The following CDK13 variants were observed in gnomAD, a reference collection of about 807,000 sequenced individuals.
CDK13 encodes cyclin dependent kinase 13.
A neutral mutation model predicts 137.6 loss-of-function variants in CDK13; 40 were observed. That is an observed-to-expected ratio of 0.29 (90% CI 0.23 to 0.38). The LOEUF (loss-of-function observed/expected upper bound fraction) is 0.38. CDK13 is among the 10% of genes least tolerant of loss of function. CDK13 has a pLI of 1.00. For missense variants in CDK13, 1,704 were observed against 1,951.8 expected, an observed-to-expected ratio of 0.87 and a Z score of 2.39; for synonymous variants, 869 against 760.1, an observed-to-expected ratio of 1.14 and a Z score of -2.36.
At chr7:39,952,015 GAC>G (rs1462715537) in intron 1 of CDK13, 163 bp downstream of exon 1, 2 of 676,870 alleles carry the variant, frequency 3.0e-6, no homozygotes, top group African/African-American at 3.7e-5. Flanking sequence ...TCGCGCGCGT[GAC>G]ACTTTTTTAG....
intron 2 of CDK13, 61 bp from the exon 3 acceptor site, chr7:39,997,433 A>C (rs975100679): frequency 1.6e-6 from 2 of 1,220,036 alleles, no homozygotes; most frequent in African/African-American, 1.5e-5. Flanking sequence ...GTAAGTCATA[A>C]GCATATTTTT....
At chr7:40,051,770 A>G (rs1785894374) in intron 7 of CDK13, among the ~76,000 whole-genome samples, 2 of 152,188 alleles carry the variant, frequency 1.3e-5, no homozygotes, top group African/African-American at 4.8e-5. Context: ...ACCAATGTGG[A>G]TCTGCTCTTC....
intron 1 of CDK13, among the ~76,000 whole-genome samples, chr7:39,954,879 C>G (rs898864361): frequency 6.6e-6 from 1 of 152,184 alleles, no homozygotes; most frequent in African/African-American, 2.4e-5. Context: ...GCATCAGCCT[C>G]CCAAAGTCCA....
At chr7:40,006,122 T>C (rs1340728762) in intron 5 of CDK13, among the ~76,000 whole-genome samples, 7 of 152,362 alleles carry the variant, frequency 4.6e-5, no homozygotes, top group Non-Finnish European at 5.9e-5. Context: ...TTCATCTCTT[T>C]TAATCACTTT....
At chr7:40,048,360 T>A (rs1167619932) in intron 7 of CDK13, 1 of 152,200 alleles carries the variant, frequency 6.6e-6, no homozygotes, top group African/African-American at 2.4e-5. Context: ...CTTTTCTGGC[T>A]AAAGTTGGAT....
Position 40,062,831 on chromosome 7 carries a change from C to T in CDK13, c.2606C>T (p.Pro869Leu). Residue 869 changes from proline (P) to leucine (L), a missense_variant, in exon 8 of 14, where the codon CCG becomes CTG. By Grantham distance (98) the Pro-to-Leu change is moderately conservative (BLOSUM62 -3). Around this residue, in one of 5 missense-constraint regions of CDK13, gnomAD observed 130 missense variants for 362.4 expected, o/e 0.36. Transcript: ENST00000181839. ...ARLYSSEESR[P>L]YTNKVITLWY... ...CTGTTTTCTGTGTTTTTTAGTCGGC[C>T]GTATACTAACAAGGTAATTACTTTA... is the stretch of plus-strand genomic sequence containing the variant. The T allele has an allele frequency of 6.2e-7, 1 of 1,609,074 alleles. No homozygotes were observed. The highest frequency in any genetic ancestry group is 8.5e-7 in the Non-Finnish European group (1 of 1,175,600).
At chr7:40,075,705 A>G (rs573990755) in intron 9 of CDK13, among the ~76,000 whole-genome samples, 1 of 152,282 alleles carries the variant, frequency 6.6e-6, no homozygotes, top group South Asian at 2.1e-4. Flanking sequence ...ACATAGGCAA[A>G]GTACCTTAGA....
chr7:40,083,976 T>A (rs537940070), intron 11 of CDK13, among the ~76,000 whole-genome samples: 1 of 152,274 alleles, frequency 6.6e-6, no homozygotes, highest in East Asian at 1.9e-4. Flanking sequence ...CTTTAGAAAG[T>A]TGGAAGGTGT....
chr7:40,010,477 A>G (rs946197561), intron 5 of CDK13, among the ~76,000 whole-genome samples: 16 of 152,202 alleles, frequency 1.1e-4, no homozygotes, highest in Non-Finnish European at 1.5e-4. Context: ...TGAGGTCAGG[A>G]ATTCCAGACC....
chr7:39,986,924 A>T (rs531207409), intron 1 of CDK13: 7 of 152,130 alleles, frequency 4.6e-5, no homozygotes, highest in Non-Finnish European at 8.8e-5. Flanking sequence ...AGTGGCTGGG[A>T]CTACAGGCGT....
intron 2 of CDK13, among the ~76,000 whole-genome samples, chr7:39,995,773 C>T (rs563514539): frequency 9.9e-5 from 15 of 152,118 alleles, no homozygotes; most frequent in South Asian, 4.1e-4. Flanking sequence ...TCTGGGAGGC[C>T]GAGGCAGGTG....
At chr7:39,958,790 A>T (rs769008043) in intron 1 of CDK13, among the ~76,000 whole-genome samples, 38 of 152,080 alleles carry the variant, frequency 2.5e-4, no homozygotes, top group Non-Finnish European at 4.9e-4. Flanking sequence ...TGGGGATAAA[A>T]TTTTTGAGGC....
intron 1 of CDK13, among the ~76,000 whole-genome samples, chr7:39,979,747 A>G (rs1784184844): frequency 6.6e-6 from 1 of 152,170 alleles, no homozygotes; most frequent in African/African-American, 2.4e-5. Flanking sequence ...GTATGTTGAT[A>G]TGGCGGGGTT....
chr7:40,006,011 C>CA (rs2116345874), intron 5 of CDK13, among the ~76,000 whole-genome samples: 1 of 152,348 alleles, frequency 6.6e-6, no homozygotes, highest in Non-Finnish European at 1.5e-5. Context: ...CGTGAGTCAT[C>CA]ACACTTGGCC....
intron 7 of CDK13, among the ~76,000 whole-genome samples, chr7:40,059,731 C>T (rs997865065): frequency 6.6e-6 from 1 of 152,230 alleles, no homozygotes; most frequent in East Asian, 1.9e-4. Context: ...ACTCCGTTGA[C>T]ACTTCCTTGA....
intron 12 of CDK13, among the ~76,000 whole-genome samples, chr7:40,088,763 T>A (rs966937122): frequency 7.2e-5 from 11 of 152,116 alleles, no homozygotes; most frequent in African/African-American, 2.7e-4. Context: ...AATGTTATAA[T>A]TTCTCTGGTT....
intron 5 of CDK13, among the ~76,000 whole-genome samples, chr7:40,019,229 A>T (rs1583995932): frequency 6.6e-6 from 1 of 152,206 alleles, no homozygotes. Context: ...GTACATACCT[A>T]TGTGAAAACT....
chr7:40,074,880 A>G (rs1444603723), intron 9 of CDK13, among the ~76,000 whole-genome samples: 1 of 152,072 alleles, frequency 6.6e-6, no homozygotes, highest in Non-Finnish European at 1.5e-5. Flanking sequence ...AATACACAAA[A>G]TCTCACTGAA....
chr7:40,062,883 G>A lies in CDK13; in HGVS notation c.2658G>A (p.Leu886=). Residue 886 remains leucine (L), a synonymous_variant, in exon 8 of 14, where the codon CTG becomes CTA. Transcript: ENST00000181839. ...TLWYRPPELL[L]GEERYTPAID... ...GGTACCGTCCACCTGAACTGCTACT[G>A]GGAGAAGAACGATACACACCAGCCA... The A allele has an allele frequency of 1.2e-6, 2 of 1,613,960 alleles. No individual in the cohort carries two copies. Among genetic ancestry groups the A allele is most frequent in the Non-Finnish European group, 1.7e-6 (2 of 1,179,880 alleles).
Sources: allele counts gnomAD v4.1 joint callset (sites outside exome capture counted in the v4.1 genomes callset), GRCh38; gene constraint gnomAD v4.1.1; regional missense constraint gnomAD v4.1.1; transcripts MANE v1.5; gene names NCBI Gene and HGNC (gene_info 2026-07-23, HGNC 2026-07-21).